Variants in DAB1 observed in about 807,000 individuals in gnomAD.
DAB1 encodes the protein disabled homolog 1.
DAB1 carries 15 observed loss-of-function variants against 64.6 expected under a neutral mutation model. That is an observed-to-expected ratio of 0.23 (90% CI 0.16 to 0.36). The LOEUF (loss-of-function observed/expected upper bound fraction) is 0.36. DAB1 is among the 10% of genes least tolerant of loss of function. The probability of loss-of-function intolerance (pLI) is 1.00; values close to 1 mark genes in which losing one functional copy is unlikely to be tolerated. For synonymous variants in DAB1, 235 were observed against 251.9 expected, an observed-to-expected ratio of 0.93 and a Z score of 0.64; for missense variants, 596 against 706.7, an observed-to-expected ratio of 0.84 and a Z score of 1.78.
intron 7 of DAB1, among the ~76,000 whole-genome samples, chr1:57,477,337 T>C (rs763180828): frequency 2.0e-5 from 3 of 152,194 alleles, no homozygotes; most frequent in Non-Finnish European, 1.5e-5. Flanking sequence ...CTGTTTATAG[T>C]GTACTCTGAT....
chr1:58,212,707 G>A (rs1014781061), intron 4 of DAB1, among the ~76,000 whole-genome samples: 3 of 152,052 alleles, frequency 2.0e-5, no homozygotes, highest in Non-Finnish European at 4.4e-5. Context: ...AGCACTTCAA[G>A]ACTTTTTATT....
intron 6 of DAB1, among the ~76,000 whole-genome samples, chr1:57,714,015 A>G (rs1310155099): frequency 6.6e-6 from 1 of 152,194 alleles, no homozygotes; most frequent in East Asian, 1.9e-4. Context: ...GGCACTCAGG[A>G]TACAAGATGA....
At chr1:57,978,322 G>A (rs1471697347) in intron 5 of DAB1, among the ~76,000 whole-genome samples, 1 of 152,032 alleles carries the variant, frequency 6.6e-6, no homozygotes, top group African/African-American at 2.4e-5. Flanking sequence ...GGGAAAAGAT[G>A]CCCTATTTAA....
intron 7 of DAB1, among the ~76,000 whole-genome samples, chr1:57,628,026 A>C (rs1645943961): frequency 1.3e-5 from 2 of 152,144 alleles, no homozygotes; most frequent in Admixed American, 1.3e-4. Context: ...AAGAGTGGAG[A>C]TATTCATGGC....
intron 5 of DAB1, among the ~76,000 whole-genome samples, chr1:58,139,567 T>C (rs1238193147): frequency 6.6e-6 from 1 of 152,126 alleles, no homozygotes; most frequent in African/African-American, 2.4e-5. Flanking sequence ...TCTGATTCAA[T>C]TACTTCCCAC....
chr1:57,135,129 T>C (rs1657973443), intron 4 of DAB1, among the ~76,000 whole-genome samples: 1 of 152,210 alleles, frequency 6.6e-6, no homozygotes, highest in African/African-American at 2.4e-5. Context: ...CCATTTTAAC[T>C]ATTTTTCAGT....
intron 1 of DAB1, among the ~76,000 whole-genome samples, chr1:57,366,970 G>C (rs951960279): frequency 6.6e-6 from 1 of 151,718 alleles, no homozygotes; most frequent in Admixed American, 6.6e-5. Context: ...ACTTTGGGAG[G>C]CAGAGGCAGG....
At chr1:57,695,745 C>A (rs1337915418) in intron 6 of DAB1, among the ~76,000 whole-genome samples, 2 of 152,034 alleles carry the variant, frequency 1.3e-5, no homozygotes, top group Non-Finnish European at 2.9e-5. Flanking sequence ...ACTGAAAATA[C>A]AAAAATTAGT....
intron 1 of DAB1, among the ~76,000 whole-genome samples, chr1:57,417,959 G>T (rs531272779): frequency 6.6e-6 from 1 of 152,256 alleles, no homozygotes; most frequent in South Asian, 2.1e-4. Flanking sequence ...CCTTCCCCCA[G>T]CCTTTCCTTT....
intron 5 of DAB1, among the ~76,000 whole-genome samples, chr1:58,043,522 T>C (rs1647172595): frequency 1.3e-5 from 2 of 152,118 alleles, no homozygotes; most frequent in Admixed American, 1.3e-4. Flanking sequence ...CTGACAAAAC[T>C]CTCTTCACCC....
chr1:57,970,743 C>A (rs903770790), intron 5 of DAB1, among the ~76,000 whole-genome samples: 1 of 152,120 alleles, frequency 6.6e-6, no homozygotes, highest in East Asian at 1.9e-4. Context: ...TCCATAGGAA[C>A]TTTGATATCT....
intron 2 of DAB1, among the ~76,000 whole-genome samples, chr1:58,522,520 C>T (rs1569944711): frequency 6.6e-6 from 1 of 152,034 alleles, no homozygotes. Flanking sequence ...TACAAAGTTG[C>T]CCATCACCAA....
chr1:58,381,341 G>C (rs1241240304), intron 3 of DAB1, among the ~76,000 whole-genome samples: 1 of 152,174 alleles, frequency 6.6e-6, no homozygotes, highest in African/African-American at 2.4e-5. Flanking sequence ...AAGTAGGCCA[G>C]GGTCAGCCAA....
At chr1:58,419,919 T>C (rs974048892) in intron 3 of DAB1, among the ~76,000 whole-genome samples, 1 of 152,182 alleles carries the variant, frequency 6.6e-6, no homozygotes, top group Non-Finnish European at 1.5e-5. Flanking sequence ...TGACACCTCC[T>C]CCTATTGGCC....
chr1:57,841,039 A>C (rs1557510857), intron 1 of DAB1, among the ~76,000 whole-genome samples: 2 of 152,214 alleles, frequency 1.3e-5, no homozygotes, highest in Admixed American at 6.5e-5. Flanking sequence ...ATCAAAAGCA[A>C]GTTAGTTACT....
rs186361876 is a variant in DAB1, at chr1:58,521,829, G to T, written n.107+5432C>A. 1.3e-5 allele frequency among the ~76,000 whole-genome samples: 2 copies of T among 151,978 alleles called. 1 individual carries two copies. Among genetic ancestry groups the T allele is most frequent in the South Asian group, 4.1e-4 (2 of 4,828 alleles). On this transcript the variant is annotated intron_variant and non_coding_transcript_variant, in intron 2 of 20. Coordinates refer to the DAB1 transcript ENST00000485760. ...GGCTTTACCCAGGAATTCTCCAAACGTTTAAAAAATAAATATAGCTAATCT... is the reference window on the plus strand; with the variant it reads ...GGCTTTACCCAGGAATTCTCCAAACTTTTAAAAAATAAATATAGCTAATCT...
At chr1:57,210,870 GA>G (rs1665947484) in intron 2 of DAB1, among the ~76,000 whole-genome samples, 1 of 152,202 alleles carries the variant, frequency 6.6e-6, no homozygotes, top group Admixed American at 6.5e-5. Flanking sequence ...GCATGTATAT[GA>G]ATACATCCAT....
chr1:57,302,673 A>G (rs1673763803), intron 1 of DAB1, among the ~76,000 whole-genome samples: 1 of 151,982 alleles, frequency 6.6e-6, no homozygotes, highest in Admixed American at 6.6e-5. Context: ...GTACAATCAT[A>G]CCTTACTGCA....
chr1:58,068,273 CT>C (rs1301960621), intron 5 of DAB1, among the ~76,000 whole-genome samples: 2 of 152,212 alleles, frequency 1.3e-5, no homozygotes, highest in African/African-American at 4.8e-5. Flanking sequence ...CCTTGCATCT[CT>C]ATCGTTCTGA....
Sources: allele counts gnomAD v4.1 joint callset (sites outside exome capture counted in the v4.1 genomes callset), GRCh38; gene constraint gnomAD v4.1.1; transcripts MANE v1.5; gene names NCBI Gene and HGNC (gene_info 2026-07-23, HGNC 2026-07-21).